Variants in NAV2 observed in about 807,000 individuals in gnomAD.
NAV2 encodes the protein neuron navigator 2.
NAV2 carries 54 observed loss-of-function variants against 223.2 expected under a neutral mutation model. The ratio of observed to expected loss-of-function variants is 0.24; its 90% CI spans 0.19 to 0.30. NAV2 has a LOEUF of 0.30. Ranked by LOEUF, NAV2 falls within the 10% of genes least tolerant of loss-of-function variation. The pLI, the probability that NAV2 is intolerant of heterozygous loss-of-function variation, is 1.00. For missense variants in NAV2, 2,806 were observed against 3,147.5 expected (o/e 0.89, Z 2.60); for synonymous variants, 1,279 against 1,239.3 (o/e 1.03, Z -0.67).
At position 19,369,779 on chromosome 11, in the gene NAV2, C is replaced by T. The variant is rs149461904; in HGVS notation, c.75+18752C>T. Among the ~76,000 whole-genome samples, 554 of 152,294 alleles carry T rather than the reference C, an allele frequency of 3.6e-3. 3 individuals are homozygous for T. The highest frequency in any genetic ancestry group is 0.011 in the African/African-American group (462 of 41,562). The stretch of plus-strand genomic sequence containing the variant: ...GTCCTCCTGAGGTTGTTGTGAATAT[C>T]GAGCCGGTGCATCAGGAAATCGAAA... On this transcript the variant is annotated intron_variant, in intron 1 of 37. Transcript: ENST00000360655.
chr11:19,640,140 C>T lies in NAV2; in HGVS notation c.76-192344C>T, dbSNP rs567778094. On this transcript the variant is annotated intron_variant, in intron 1 of 37. Transcript: ENST00000360655. Reference sequence around the variant, plus strand: ...ATATGTTTCAGGGCAAAGTGGGGCTCGAGGCTTAAGTTACCCAAATAACAA... The same window carrying T: ...ATATGTTTCAGGGCAAAGTGGGGCTTGAGGCTTAAGTTACCCAAATAACAA... 7.9e-5 allele frequency among the ~76,000 whole-genome samples: 12 copies of T among 152,232 alleles called. No individual in the cohort carries two copies. In the South Asian group the frequency reaches 8.3e-4, roughly 11 times the overall value.
intron 3 of NAV2, 86 bp from the exon 4 acceptor site, chr11:19,868,839 T>A: frequency 1.5e-6 from 2 of 1,354,250 alleles, no homozygotes; most frequent in Non-Finnish European, 1.0e-6. Context: ...TTTTACAGCA[T>A]TCTGTTTTCC....
chr11:19,803,354 G>T (rs1218559762), intron 1 of NAV2, among the ~76,000 whole-genome samples: 1 of 152,170 alleles, frequency 6.6e-6, no homozygotes, highest in African/African-American at 2.4e-5. Context: ...ACCCTTTAAT[G>T]CCCTTTAGCA....
At chr11:19,727,673 G>T (rs2152399424) in intron 1 of NAV2, among the ~76,000 whole-genome samples, 1 of 152,382 alleles carries the variant, frequency 6.6e-6, no homozygotes, top group South Asian at 2.1e-4. Flanking sequence ...GAATTAGGCT[G>T]CTTGATGAAA....
At position 20,101,592 on chromosome 11, in the gene NAV2, C is replaced by T. The variant is rs117323550; in HGVS notation, c.6417+420C>T. 2.5e-3 allele frequency among the ~76,000 whole-genome samples: 383 copies of T among 152,308 alleles called. 3 individuals carry two copies. The highest frequency in any genetic ancestry group is 2.8e-3 in the Non-Finnish European group (188 of 68,028). On this transcript the variant is annotated intron_variant, in intron 32 of 37. Transcript: ENST00000349880. Reference sequence around the variant, plus strand: ...CAGCAAACACCTTCTCACAGCAATACCTTCACGGGAGTAGTTGTCACCATC... The same window carrying T: ...CAGCAAACACCTTCTCACAGCAATATCTTCACGGGAGTAGTTGTCACCATC...
At chr11:19,743,164 G>A (rs2053004414) in intron 1 of NAV2, among the ~76,000 whole-genome samples, 1 of 151,984 alleles carries the variant, frequency 6.6e-6, no homozygotes, top group African/African-American at 2.4e-5. Flanking sequence ...AAATGTGGTG[G>A]AGATCCTCAA....
intron 12 of NAV2, among the ~76,000 whole-genome samples, chr11:20,040,630 C>T (rs1244186910): frequency 1.3e-5 from 2 of 152,190 alleles, no homozygotes; most frequent in African/African-American, 4.8e-5. Context: ...TCTGAAGTCC[C>T]TTGTGCGTGG....
Position 19,879,993 on chromosome 11 carries a change from G to A in NAV2, c.636G>A (p.Gln212=). ...CACCTCTGCCGCCCGCCGTATCCCAGGTGGCCGGGGCCCCCTCCCAGTGCC... is the reference window on the plus strand; with the variant it reads ...CACCTCTGCCGCCCGCCGTATCCCAAGTGGCCGGGGCCCCCTCCCAGTGCC... ...LSSPLPPAVS[Q]VAGAPSQCQA... is the part of the protein sequence containing the mutation. The change falls in exon 5 of 38, where the codon CAG becomes CAA. Residue 212 remains glutamine, a synonymous_variant. Transcript: ENST00000349880. 1 of 1,613,848 alleles carries A rather than the reference G, an allele frequency of 6.2e-7. No individual in the cohort carries two copies. Among genetic ancestry groups the A allele is most frequent in the African/African-American group, 1.3e-5 (1 of 75,034 alleles).
At chr11:19,732,095 A>G (rs1435924692) in intron 1 of NAV2, among the ~76,000 whole-genome samples, 1 of 152,122 alleles carries the variant, frequency 6.6e-6, no homozygotes, top group African/African-American at 2.4e-5. Flanking sequence ...CTAAACAAAA[A>G]TACAAAAATT....
intron 1 of NAV2, among the ~76,000 whole-genome samples, chr11:19,744,069 T>C (rs2053115762): frequency 2.0e-5 from 3 of 152,220 alleles, no homozygotes; most frequent in Non-Finnish European, 4.4e-5. Flanking sequence ...CATCTCTTCC[T>C]CAAAGAAGCC....
At chr11:19,877,470 C>CTTTTTTTTTTTTTTTTTTTTTCTTTTCT (rs1289323253) in intron 4 of NAV2, among the ~76,000 whole-genome samples, 29 of 82,584 alleles carry the variant, frequency 3.5e-4, no homozygotes, top group East Asian at 1.3e-3. Flanking sequence ...TATCTTCATT[C>CTTTTTTTTTTTTTTTTTTTTTCTTTTCT]TTTTTTTTTT....
intron 17 of NAV2, among the ~76,000 whole-genome samples, chr11:20,051,925 T>C (rs2058037585): frequency 6.6e-6 from 1 of 152,220 alleles, no homozygotes; most frequent in African/African-American, 2.4e-5. Context: ...CAGGAAGGAC[T>C]GTCCTTCCAT....
At position 20,049,180 on chromosome 11, in the gene NAV2, C is replaced by T; in HGVS notation, c.4355C>T (p.Thr1452Ile). ...TPFVRTNSVK[T>I]TLSESPLSSP... ...TTTGTCAGAACTAACAGTGTGAAGA[C>T]CACACTGTCAGAAAGGTTGGTGCTG... The change falls in exon 15 of 38, where the codon ACC becomes ATC. Residue 1452 changes from threonine to isoleucine, a missense_variant. Around this residue, in one of 4 missense-constraint regions of NAV2, gnomAD observed 742 missense variants for 777.9 expected, o/e 0.95. Coordinates refer to ENST00000349880, the MANE Select transcript of NAV2 (RefSeq NM_145117.5). 1 of 1,595,314 alleles carries T rather than the reference C, an allele frequency of 6.3e-7. No homozygotes were observed. Among genetic ancestry groups the T allele is most frequent in the South Asian group, 1.1e-5 (1 of 88,202 alleles).
intron 1 of NAV2, among the ~76,000 whole-genome samples, chr11:19,544,244 G>T (rs2044423479): frequency 6.6e-6 from 1 of 152,170 alleles, no homozygotes; most frequent in African/African-American, 2.4e-5. Context: ...ATGGACTTTG[G>T]TCCTAGACTC....
intron 6 of NAV2, among the ~76,000 whole-genome samples, chr11:19,920,548 A>G (rs2044192901): frequency 6.6e-6 from 1 of 152,200 alleles, no homozygotes; most frequent in African/African-American, 2.4e-5. Context: ...TGGCCTCCCA[A>G]AGGGCTGGGA....
chr11:19,661,108 C>T (rs1368897097), intron 1 of NAV2, among the ~76,000 whole-genome samples: 1 of 152,096 alleles, frequency 6.6e-6, no homozygotes, highest in East Asian at 1.9e-4. Context: ...CCCTGTCGCC[C>T]CAGCTCCCAG....
intron 1 of NAV2, among the ~76,000 whole-genome samples, chr11:19,446,776 T>C (rs935260359): frequency 6.6e-6 from 1 of 152,252 alleles, no homozygotes; most frequent in Non-Finnish European, 1.5e-5. Context: ...ACCAGGTCAT[T>C]GTAAAGGCCA....
intron 6 of NAV2, among the ~76,000 whole-genome samples, chr11:19,906,979 C>T (rs1014302276): frequency 1.3e-5 from 2 of 152,164 alleles, no homozygotes; most frequent in Non-Finnish European, 2.9e-5. Context: ...GGTCTGGTCC[C>T]AGCAACTCTA....
chr11:19,578,882 G>A (rs764632511), intron 1 of NAV2, among the ~76,000 whole-genome samples: 18 of 152,150 alleles, frequency 1.2e-4, no homozygotes, highest in Non-Finnish European at 2.2e-4. Context: ...TCTAAGTGGT[G>A]AGTCCCAGGA....
Sources: gnomAD v4.1 joint callset for allele counts (sites outside exome capture counted in the v4.1 genomes callset) on GRCh38, gnomAD v4.1.1 for gene constraint, gnomAD v4.1.1 regional missense constraint, MANE v1.5 for transcripts, NCBI Gene and HGNC (gene_info 2026-07-23, HGNC 2026-07-21) for gene names.